Variants in PIGZ observed in about 807,000 individuals in gnomAD.
PIGZ encodes the protein phosphatidylinositol glycan anchor biosynthesis class Z (Gwada blood group).
In PIGZ, 16 loss-of-function variants were observed where a neutral mutation model predicts 16.4. The ratio of observed to expected loss-of-function variants is 0.97; its 90% CI spans 0.66 to 1.48. PIGZ has a LOEUF of 1.48. Among genes scored for constraint, PIGZ ranks in the 40% most tolerant of loss-of-function variants. The pLI, the probability that PIGZ is intolerant of heterozygous loss-of-function variation, is 0.00. For missense variants in PIGZ, 770 were observed against 739.2 expected (o/e 1.04, Z -0.48); for synonymous variants, 409 against 338.4 (o/e 1.21, Z -2.29).
At chr3:196,967,123 G>A (rs1257798593) in intron 1 of PIGZ, among the ~76,000 whole-genome samples, 1 of 151,940 alleles carries the variant, frequency 6.6e-6, no homozygotes, top group African/African-American at 2.4e-5. Flanking sequence ...GGGGGAGGCC[G>A]GGAAAGACAG....
Position 196,947,357 on chromosome 3 carries a change from G to A in PIGZ, c.1540C>T (p.Pro514Ser), listed in dbSNP as rs770134829. The change falls in exon 3 of 3, where the codon CCA (proline) becomes TCA (serine). Residue 514 changes from proline (P) to serine (S), a missense_variant. Physicochemically the swap from Pro to Ser is moderately conservative, Grantham distance 74. Coordinates refer to ENST00000412723, the MANE Select transcript of PIGZ (RefSeq NM_025163.4). Reference sequence around the variant, plus strand: ...ACCACAAAGAGGCGGCAGAGCCATGGCCCACCAGCCACTTGGCAGGCTGGT... The same window carrying A: ...ACCACAAAGAGGCGGCAGAGCCATGACCCACCAGCCACTTGGCAGGCTGGT... The part of the protein sequence containing the change: ...RQPACQVAGG[P>S]WLCRLFVVTP... 7.4e-6 allele frequency: 12 copies of A among 1,614,034 alleles called. No individual in the cohort carries two copies. Among genetic ancestry groups the A allele is most frequent in the African/African-American group, 6.7e-5 (5 of 74,954 alleles).
At chr3:196,951,153 A>G (rs1321429190) in intron 2 of PIGZ, among the ~76,000 whole-genome samples, 1 of 152,230 alleles carries the variant, frequency 6.6e-6, no homozygotes, top group Non-Finnish European at 1.5e-5. Flanking sequence ...TGTGATAGAA[A>G]TGAGCAAAAA....
chr3:196,956,193 T>C (rs1261746482), intron 1 of PIGZ, among the ~76,000 whole-genome samples: 2 of 152,298 alleles, frequency 1.3e-5, no homozygotes, highest in East Asian at 3.9e-4. Context: ...CCCTTTGTCA[T>C]TTATAGAAAG....
At chr3:196,949,535 C>T (rs953328334) in intron 2 of PIGZ, among the ~76,000 whole-genome samples, 1 of 152,200 alleles carries the variant, frequency 6.6e-6, no homozygotes, top group African/African-American at 2.4e-5. Context: ...TAGAGAGCTT[C>T]CAGACAAGAA....
At chr3:196,953,135 T>C (rs183333714) in intron 1 of PIGZ, among the ~76,000 whole-genome samples, 5 of 152,340 alleles carry the variant, frequency 3.3e-5, no homozygotes, top group Admixed American at 3.3e-4. Context: ...CTAATTTTCA[T>C]AGTAAATGAT....
Position 196,968,778 on chromosome 3 carries a change from C to CCGTGGG in PIGZ, c.-93_-92insCCCACG, listed in dbSNP as rs1718047892. Reference sequence around the variant, plus strand: ...GGAGGCCCCGGAGGCGGCGGGACCGCAGGGCGGAGGGGAGGCCGTGGGAGC... The same window carrying CCGTGGG: ...GGAGGCCCCGGAGGCGGCGGGACCGCCGTGGGAGGGCGGAGGGGAGGCCGTGGGAGC... On this transcript the variant is annotated 5_prime_UTR_variant, in exon 1 of 3. Transcript: ENST00000412723. 3.3e-5 allele frequency: 5 copies of CCGTGGG among 151,558 alleles called. No homozygotes were observed. Among genetic ancestry groups the CCGTGGG allele is most frequent in the African/African-American group, 4.8e-5 (2 of 41,378 alleles). 9.4% of individuals were successfully genotyped at this position (151,558 alleles called of 1,614,324 possible).
At chr3:196,963,987 A>G (rs1233110120) in intron 1 of PIGZ, among the ~76,000 whole-genome samples, 1 of 152,192 alleles carries the variant, frequency 6.6e-6, no homozygotes, top group Non-Finnish European at 1.5e-5. Flanking sequence ...ATAATAAGGA[A>G]TAGTATAACA....
chr3:196,951,740 C>A, intron 2 of PIGZ, 81 bp downstream of exon 2: 1 of 1,355,552 alleles, frequency 7.4e-7, no homozygotes, highest in East Asian at 2.4e-5. Context: ...AGACATGCTA[C>A]TCCCTCCCCA....
At position 196,947,277 on chromosome 3, in the gene PIGZ, A is replaced by T; in HGVS notation, c.1620T>A (p.Asn540Lys). The change falls in exon 3 of 3, where the codon AAT (asparagine) becomes AAA (lysine). Residue 540 changes from asparagine to lysine, a missense_variant. Physicochemically the swap from Asn to Lys is moderately conservative, Grantham distance 94. Transcript: ENST00000412723. ...AVEKCSFPFK[N>K]ETLLFPHLTL... is the part of the protein sequence containing the mutation. ...TCAGATGGGGAAATAAAAGTGTTTC[A>T]TTCTTGAAGGGGAAGCTGCACTTCT... 6.2e-7 allele frequency: 1 copy of T among 1,614,084 alleles called. No individual in the cohort carries two copies. Among genetic ancestry groups the T allele is most frequent in the Non-Finnish European group, 8.5e-7 (1 of 1,179,978 alleles).
chr3:196,960,305 T>C (rs556812651), intron 1 of PIGZ, among the ~76,000 whole-genome samples: 1 of 152,244 alleles, frequency 6.6e-6, no homozygotes, highest in African/African-American at 2.4e-5. Context: ...TTTCTTGTAC[T>C]GAACCTTCAC....
At chr3:196,949,598 G>A (rs1251054785) in intron 2 of PIGZ, among the ~76,000 whole-genome samples, 1 of 152,212 alleles carries the variant, frequency 6.6e-6, no homozygotes, top group Non-Finnish European at 1.5e-5. Flanking sequence ...AGCCCGTGCT[G>A]CCCTTCTGAT....
At chr3:196,960,381 G>A (rs1717660681) in intron 1 of PIGZ, among the ~76,000 whole-genome samples, 2 of 152,158 alleles carry the variant, frequency 1.3e-5, no homozygotes, top group African/African-American at 4.8e-5. Flanking sequence ...TTTGCTAAAA[G>A]AAAATAACGG....
intron 1 of PIGZ, among the ~76,000 whole-genome samples, chr3:196,959,478 T>C (rs909187999): frequency 9.9e-5 from 15 of 152,174 alleles, no homozygotes; most frequent in Non-Finnish European, 1.9e-4. Flanking sequence ...CTGCAAGTTC[T>C]CCTTCCATCA....
Position 196,947,441 on chromosome 3 carries a change from C to G in PIGZ, c.1456G>C (p.Asp486His), listed in dbSNP as rs765011561. The G allele has an allele frequency of 6.2e-7, 1 of 1,613,690 alleles. No individual in the cohort carries two copies. Among genetic ancestry groups the G allele is most frequent in the Admixed American group, 1.7e-5 (1 of 60,026 alleles). Residue 486 changes from aspartate to histidine, a missense_variant, in exon 3 of 3, where the codon GAC becomes CAC. By Grantham distance (81) the Asp-to-His change is moderately conservative. Coordinates refer to ENST00000412723, the MANE Select transcript of PIGZ (RefSeq NM_025163.4). ...PGLGAPVEVV[D>H]MGGTEDWALC... The stretch of plus-strand genomic sequence containing the variant: ...GCCCAGTCCTCAGTCCCCCCCATGT[C>G]CACCACCTCCACTGGTGCCCCCAGG...
rs1246350555 is a variant in PIGZ at position 196,965,411 on chromosome 3, C to T, written c.-1+3276G>A. Among the ~76,000 whole-genome samples, 3 of 152,182 alleles carry T rather than the reference C, an allele frequency of 2.0e-5. No homozygotes were observed. The highest frequency in any genetic ancestry group is 4.4e-5 in the Non-Finnish European group (3 of 68,050). On this transcript the variant is annotated intron_variant, in intron 1 of 2. Transcript: ENST00000412723. This position sits in a 1 kb window ranked among gnomAD's most constrained non-coding sequence, Gnocchi z 4.2. The stretch of plus-strand genomic sequence containing the variant: ...GGAAACCACCCCATGATCCGATCCT[C>T]TCCCACCGGGTCTTTCCCTCAACAC...
rs1329375748 is a variant in PIGZ at position 196,965,763 on chromosome 3, C to G, written c.-1+2924G>C. Among the ~76,000 whole-genome samples, 1 of 152,126 alleles carries G rather than the reference C, an allele frequency of 6.6e-6. No homozygotes were observed. Among genetic ancestry groups the G allele is most frequent in the East Asian group, 1.9e-4 (1 of 5,176 alleles). On this transcript the variant is annotated intron_variant, in intron 1 of 2. Transcript: ENST00000412723. This position sits in a 1 kb window ranked among gnomAD's most constrained non-coding sequence, Gnocchi z 4.2. Reference sequence around the variant, plus strand: ...GTTTCTGTTTGCAAACAGCCCCCTCCTTTGTTAACCAGTGTGTCATATAAC... The same window carrying G: ...GTTTCTGTTTGCAAACAGCCCCCTCGTTTGTTAACCAGTGTGTCATATAAC...
chr3:196,950,829 C>T (rs1261880913), intron 2 of PIGZ, among the ~76,000 whole-genome samples: 3 of 151,620 alleles, frequency 2.0e-5, no homozygotes, highest in Non-Finnish European at 4.4e-5. Context: ...ACTACAACCT[C>T]CACCTCCTGG....
At chr3:196,960,703 G>C (rs1367069848) in intron 1 of PIGZ, among the ~76,000 whole-genome samples, 1 of 88,944 alleles carries the variant, frequency 1.1e-5, no homozygotes, top group East Asian at 4.5e-4. Flanking sequence ...AAAGAAAGAA[G>C]AAAGGAAGGA....
intron 2 of PIGZ, 143 bp from the exon 3 acceptor site, chr3:196,948,828 C>CCCTCCCTT (rs112178530): frequency 0.012 from 5,012 of 432,466 alleles, 404 homozygotes; most frequent in African/African-American, 0.11. Flanking sequence ...GATTTTTCCT[C>CCCTCCCTT]CCTTCCCTCC....
Sources: allele counts gnomAD v4.1 joint callset (sites outside exome capture counted in the v4.1 genomes callset), GRCh38; gene constraint gnomAD v4.1.1; non-coding constraint Gnocchi (gnomAD v3.1); transcripts MANE v1.5; gene names NCBI Gene and HGNC (gene_info 2026-07-23, HGNC 2026-07-21).